Variants in HRH2 observed in about 807,000 individuals in gnomAD.
HRH2 encodes the protein histamine receptor H2.
A neutral mutation model predicts 20.1 loss-of-function variants in HRH2; 4 were observed. That is an observed-to-expected ratio of 0.20 (90% CI 0.10 to 0.45). HRH2 has a LOEUF of 0.45. Ranked by LOEUF, HRH2 falls within the 20% of genes least tolerant of loss-of-function variation. The probability of loss-of-function intolerance (pLI) is 0.99; values close to 1 mark genes in which losing one functional copy is unlikely to be tolerated. For synonymous variants in HRH2, 197 were observed against 200.7 expected, an observed-to-expected ratio of 0.98 and a Z score of 0.16; for missense variants, 250 against 461.6, an observed-to-expected ratio of 0.54 and a Z score of 4.20.
chr5:175,704,499 C>T (rs1756882151), intron 2 of HRH2, among the ~76,000 whole-genome samples: 1 of 152,114 alleles, frequency 6.6e-6, no homozygotes, highest in African/African-American at 2.4e-5. Flanking sequence ...TGGAAGGAAA[C>T]TTCCTTAACC....
chr5:175,660,056 G>A (rs551585347), intron 1 of HRH2, among the ~76,000 whole-genome samples: 1 of 152,224 alleles, frequency 6.6e-6, no homozygotes, highest in East Asian at 1.9e-4. Flanking sequence ...TCCATCCTAG[G>A]CTGATGATTA....
At chr5:175,659,316 G>A (rs1425996884) in intron 1 of HRH2, among the ~76,000 whole-genome samples, 3 of 152,140 alleles carry the variant, frequency 2.0e-5, no homozygotes, top group African/African-American at 4.8e-5. Flanking sequence ...ACCTACTAAT[G>A]AGTTTCCTGT....
intron 1 of HRH2, among the ~76,000 whole-genome samples, chr5:175,663,904 G>A (rs1292607894): frequency 6.6e-6 from 1 of 152,222 alleles, no homozygotes; most frequent in Non-Finnish European, 1.5e-5. Flanking sequence ...TGCCCCATCT[G>A]AAAACCAGAA....
chr5:175,683,704 G>A lies in HRH2; in HGVS notation c.471G>A (p.Gly157=), dbSNP rs753000029. Residue 157 remains glycine (G), a synonymous_variant, in exon 2 of 3, where the codon GGG becomes GGA. Coordinates refer to ENST00000636584, the MANE Select transcript of HRH2 (RefSeq NM_001367711.1). ...TGTCCTTTCTGTCTATCCACCTGGG[G>A]TGGAACAGCAGGAACGAGACCAGCA... ...ITLSFLSIHL[G]WNSRNETSKG... The A allele has an allele frequency of 3.7e-6, 6 of 1,614,174 alleles. No homozygotes were observed. Among genetic ancestry groups the A allele is most frequent in the African/African-American group, 1.3e-5 (1 of 75,044 alleles).
intron 2 of HRH2, among the ~76,000 whole-genome samples, chr5:175,694,145 C>T (rs1756481782): frequency 6.6e-6 from 1 of 152,180 alleles, no homozygotes; most frequent in African/African-American, 2.4e-5. Context: ...GCTTGGCGCA[C>T]ACACCTGGCT....
chr5:175,685,310 G>T (rs1388737267), intron 2 of HRH2: 10 of 1,151,528 alleles, frequency 8.7e-6, no homozygotes, highest in African/African-American at 4.6e-5. Flanking sequence ...TACTGGTCTG[G>T]GCTTTAGCTG....
At chr5:175,705,027 G>A (rs1206979408) in intron 2 of HRH2, among the ~76,000 whole-genome samples, 1 of 151,976 alleles carries the variant, frequency 6.6e-6, no homozygotes, top group Non-Finnish European at 1.5e-5. Context: ...CTGATCTTAT[G>A]TGCAATACCC....
At chr5:175,697,209 A>G (rs995774399) in intron 2 of HRH2, among the ~76,000 whole-genome samples, 1 of 152,224 alleles carries the variant, frequency 6.6e-6, no homozygotes, top group Non-Finnish European at 1.5e-5. Context: ...CACGCCTGTA[A>G]TCCCAGCACT....
chr5:175,660,977 T>C (rs552537811), intron 1 of HRH2, among the ~76,000 whole-genome samples: 164 of 152,346 alleles, frequency 1.1e-3, no homozygotes, highest in African/African-American at 3.7e-3. Context: ...CTGGCATACA[T>C]GGCTCATGAT....
chr5:175,698,355 T>A (rs531159419), intron 2 of HRH2, among the ~76,000 whole-genome samples: 1 of 152,298 alleles, frequency 6.6e-6, no homozygotes, highest in South Asian at 2.1e-4. Context: ...GAATCATGCT[T>A]TGAAGTTGGA....
chr5:175,690,401 T>A (rs556976021), intron 2 of HRH2, among the ~76,000 whole-genome samples: 1 of 152,144 alleles, frequency 6.6e-6, no homozygotes, highest in Non-Finnish European at 1.5e-5. Flanking sequence ...ATGCTGATAA[T>A]CATCAGGCTT....
intron 2 of HRH2, among the ~76,000 whole-genome samples, chr5:175,699,448 G>A (rs866396469): frequency 2.0e-5 from 3 of 152,198 alleles, no homozygotes; most frequent in Admixed American, 6.5e-5. Flanking sequence ...TTAAAGGAGA[G>A]ACCTGCCAGT....
At chr5:175,660,284 C>A (rs1762700588) in intron 1 of HRH2, among the ~76,000 whole-genome samples, 2 of 152,120 alleles carry the variant, frequency 1.3e-5, no homozygotes, top group East Asian at 1.9e-4. Flanking sequence ...AGGAGATCAT[C>A]CAAATGAAAG....
Position 175,708,006 on chromosome 5 carries a change from G to C in HRH2, c.*35G>C. ...CAGGACACTGAAGATACCGCTCCCG[G>C]TCCCCAAGATGTGACTCCTGGAGCT... On this transcript the variant is annotated 3_prime_UTR_variant, in exon 3 of 3. Transcript: ENST00000636584. The C allele has an allele frequency of 2.5e-6, 1 of 399,072 alleles. No homozygotes were observed. The highest frequency in any genetic ancestry group is 3.6e-5 in the East Asian group (1 of 28,074). The allele number at this position is 399,072 out of a possible 1,614,324, so 24.7% of individuals were successfully genotyped here.
chr5:175,673,159 T>C (rs1476163392), intron 1 of HRH2, among the ~76,000 whole-genome samples: 2 of 152,146 alleles, frequency 1.3e-5, no homozygotes, highest in Non-Finnish European at 2.9e-5. Context: ...AGGACCTGTC[T>C]CAAAACTTCA....
intron 1 of HRH2, among the ~76,000 whole-genome samples, chr5:175,667,082 A>G (rs1264600985): frequency 4.6e-5 from 7 of 152,092 alleles, no homozygotes; most frequent in Admixed American, 2.6e-4. Context: ...TATACATACT[A>G]TTTTGTACCT....
intron 2 of HRH2, among the ~76,000 whole-genome samples, chr5:175,689,040 G>A (rs1483664487): frequency 6.6e-6 from 1 of 152,122 alleles, no homozygotes; most frequent in East Asian, 1.9e-4. Context: ...AGTCACAGCT[G>A]GTGCCTCCCC....
chr5:175,705,344 A>G (rs971832991), intron 2 of HRH2, among the ~76,000 whole-genome samples: 1 of 152,210 alleles, frequency 6.6e-6, no homozygotes, highest in Non-Finnish European at 1.5e-5. Context: ...ACTAGCACTC[A>G]AATACCTATA....
At position 175,686,275 on chromosome 5, in the gene HRH2, A is replaced by G. The variant is rs1756170802; in HGVS notation, c.1076+1966A>G. The G allele has an allele frequency of 6.6e-6, 1 of 152,240 alleles. No homozygotes were observed. The highest frequency in any genetic ancestry group is 1.9e-4 in the East Asian group (1 of 5,194). The allele number at this position is 152,240 out of a possible 1,614,324, so 9.4% of individuals were successfully genotyped here. On this transcript the variant is annotated intron_variant, in intron 2 of 2. Transcript: ENST00000636584. This position sits in a 1 kb window ranked among gnomAD's most constrained non-coding sequence, Gnocchi z 4.7. ...GCCACTCTTGGGTTTAGTCTTGTAT[A>G]TCACTTTGTGCTGCCGTTACTTGTT...
Sources: gnomAD v4.1 joint callset for allele counts (sites outside exome capture counted in the v4.1 genomes callset) on GRCh38, gnomAD v4.1.1 for gene constraint, Gnocchi (gnomAD v3.1) non-coding constraint, MANE v1.5 for transcripts, NCBI Gene and HGNC (gene_info 2026-07-23, HGNC 2026-07-21) for gene names.